Variants in TEX11 observed in about 807,000 individuals in gnomAD.
TEX11 encodes testis-expressed protein 11.
TEX11 carries 7 observed loss-of-function variants against 84.4 expected under a neutral mutation model. The ratio of observed to expected loss-of-function variants is 0.08; its 90% CI spans 0.05 to 0.16. TEX11 has a LOEUF of 0.16. Among genes scored for constraint, TEX11 ranks in the 10% least tolerant of loss-of-function variants. The pLI is 1.00. For missense variants in TEX11, 551 were observed against 660.5 expected (o/e 0.83, Z 1.82); for synonymous variants, 264 against 222.8 (o/e 1.18, Z -1.64).
chrX:70,759,203 G>A (rs932533361), intron 9 of TEX11, among the ~76,000 whole-genome samples: 4 of 111,688 alleles, frequency 3.6e-5, no homozygotes, highest in Non-Finnish European at 5.6e-5. Context: ...AGAGGAGCTG[G>A]TACCATTCCC....
chrX:70,605,115 G>A (rs1016606205), intron 24 of TEX11, among the ~76,000 whole-genome samples: 1 of 111,668 alleles, frequency 9.0e-6, no homozygotes, highest in Non-Finnish European at 1.9e-5. Context: ...ATAATCACAG[G>A]CAGACAATGA....
At chrX:70,592,528 A>G (rs761448019) in intron 24 of TEX11, among the ~76,000 whole-genome samples, 1 of 111,741 alleles carries the variant, frequency 8.9e-6, no homozygotes, top group Admixed American at 9.5e-5. Context: ...CAAAAGCTCT[A>G]TCCCAGGCAT....
chrX:70,538,751 A>C (rs2087994344), intron 28 of TEX11, among the ~76,000 whole-genome samples: 1 of 110,952 alleles, frequency 9.0e-6, no homozygotes, highest in South Asian at 3.8e-4. Context: ...TCAGATATTT[A>C]ACCTTTCAAT....
At chrX:70,841,402 G>T (rs1444411508) in intron 7 of TEX11, among the ~76,000 whole-genome samples, 6 of 111,092 alleles carry the variant, frequency 5.4e-5, no homozygotes, top group Non-Finnish European at 9.4e-5. Flanking sequence ...ATGAAATGAA[G>T]GCAGAAATAA....
the TEX11 span, among the ~76,000 whole-genome samples, chrX:70,521,151 G>C: frequency 9.0e-6 from 1 of 111,248 alleles, no homozygotes; most frequent in South Asian, 3.8e-4. Flanking sequence ...TGCACCCACT[G>C]TCCAACCAGT....
chrX:70,553,780 G>T (rs2088250869), intron 26 of TEX11, among the ~76,000 whole-genome samples: 1 of 111,517 alleles, frequency 9.0e-6, no homozygotes, highest in Admixed American at 9.6e-5. Context: ...GGCACTAATT[G>T]AAACAGGTTT....
Position 70,626,255 on chromosome X carries a change from G to A in TEX11, c.1609-1331C>T, listed in dbSNP as rs148616548. On this transcript the variant is annotated intron_variant, in intron 18 of 29. Transcript: ENST00000374333. Reference sequence around the variant, plus strand: ...CAGGTGAGGTGAGTGAAGCACCTAGGGTGAAAAATTTAAGGAGGCTCTCAG... The same window carrying A: ...CAGGTGAGGTGAGTGAAGCACCTAGAGTGAAAAATTTAAGGAGGCTCTCAG... Among the ~76,000 whole-genome samples, 312 of 110,494 alleles carry A rather than the reference G, an allele frequency of 2.8e-3. 2 individuals carry two copies. The highest frequency in any genetic ancestry group is 9.4e-3 in the African/African-American group (286 of 30,326).
chrX:70,704,658 C>A (rs1784981852), intron 13 of TEX11, among the ~76,000 whole-genome samples: 1 of 111,422 alleles, frequency 9.0e-6, no homozygotes, highest in Non-Finnish European at 1.9e-5. Context: ...TCTCCCTGTT[C>A]CCCACCTCCT....
At chrX:70,515,096 CAG>C in the TEX11 span, among the ~76,000 whole-genome samples, 2,836 of 81,437 alleles carry the variant, frequency 0.035, 33 homozygotes, top group African/African-American at 0.11. Context: ...CACACACACA[CAG>C]AAAGAAGGAC....
chrX:70,881,279 A>T (rs767829547), intron 2 of TEX11, among the ~76,000 whole-genome samples: 1 of 106,815 alleles, frequency 9.4e-6, no homozygotes, highest in East Asian at 2.9e-4. Context: ...CTTAGCTCAG[A>T]TCATGCCACT....
chrX:70,639,389 G>C (rs183548203), intron 17 of TEX11, among the ~76,000 whole-genome samples: 15 of 112,057 alleles, frequency 1.3e-4, no homozygotes, highest in East Asian at 2.8e-4. Flanking sequence ...CAAAGCAGCC[G>C]GGAAGCTCGA....
chrX:70,713,076 T>C (rs2090455172), intron 13 of TEX11, among the ~76,000 whole-genome samples: 1 of 112,118 alleles, frequency 8.9e-6, no homozygotes, highest in South Asian at 3.8e-4. Context: ...TGGTTCTGTT[T>C]ATATGCTGGA....
At chrX:70,749,065 C>T (rs2090791334) in intron 9 of TEX11, among the ~76,000 whole-genome samples, 1 of 102,616 alleles carries the variant, frequency 9.7e-6, no homozygotes, top group African/African-American at 3.8e-5. Context: ...ATGGAATGTT[C>T]TTCCATTTGT....
chrX:70,554,829 T>C (rs759551143), intron 25 of TEX11, 29 bp from the exon 26 acceptor site: 12 of 1,165,060 alleles, frequency 1.0e-5, no homozygotes, highest in African/African-American at 1.8e-5. Flanking sequence ...TGCAACATTC[T>C]TTGTGATTAT....
At position 70,721,435 on chromosome X, in the gene TEX11, A is replaced by G. The variant is rs373760941; in HGVS notation, c.1004+1183T>C. Among the ~76,000 whole-genome samples the G allele has an allele frequency of 2.1e-3, 232 of 112,217 alleles. 1 individual carries two copies. Among genetic ancestry groups the G allele is most frequent in the African/African-American group, 7.4e-3 (228 of 30,975 alleles). On this transcript the variant is annotated intron_variant, in intron 13 of 29. Transcript: ENST00000374333. ...GCAACCAAAACTTTAAAAAATAAAAATTAAGTTCCATGAAATTTTTGTGAA... is the reference window on the plus strand; with the variant it reads ...GCAACCAAAACTTTAAAAAATAAAAGTTAAGTTCCATGAAATTTTTGTGAA...
In TEX11 at chrX:70,611,896, G is replaced by T. The variant is rs751982209; in HGVS notation, c.1752-1353C>A. Among the ~76,000 whole-genome samples the T allele has an allele frequency of 4.5e-5, 5 of 111,678 alleles. No individual in the cohort carries two copies. The South Asian group carries it at 1.9e-3, about 43-fold the overall frequency. Reference sequence around the variant, plus strand: ...TCATGCCTGTAATCCCAGCATTTTTGATGCCAAGGCGGGAGGATTGCTTGA... The same window carrying T: ...TCATGCCTGTAATCCCAGCATTTTTTATGCCAAGGCGGGAGGATTGCTTGA... On this transcript the variant is annotated intron_variant, in intron 20 of 29. Transcript: ENST00000374333.
At chrX:70,792,353 TATATAC>T (rs1243312986) in intron 9 of TEX11, among the ~76,000 whole-genome samples, 127 of 11,194 alleles carry the variant, frequency 0.011, no homozygotes, top group African/African-American at 0.015. Context: ...TATATATATA[TATATAC>T]ACACACAAAT....
intron 20 of TEX11, among the ~76,000 whole-genome samples, chrX:70,621,577 T>TAA (rs1305232940): frequency 3.5e-4 from 20 of 56,559 alleles, no homozygotes; most frequent in African/African-American, 1.4e-3. Flanking sequence ...TATATATATA[T>TAA]AAATAAAAAT....
At chrX:70,751,989 T>C (rs952974110) in intron 9 of TEX11, among the ~76,000 whole-genome samples, 7 of 112,452 alleles carry the variant, frequency 6.2e-5, no homozygotes, top group Non-Finnish European at 1.3e-4. Context: ...ATTTGTAATA[T>C]ATTCGATAAC....
Sources: gnomAD v4.1 joint callset for allele counts (sites outside exome capture counted in the v4.1 genomes callset) on GRCh38, gnomAD v4.1.1 for gene constraint, MANE v1.5 for transcripts, NCBI Gene and HGNC (gene_info 2026-07-23, HGNC 2026-07-21) for gene names.